The following COL5A3 variants were observed in gnomAD, a reference collection of about 807,000 sequenced individuals.
The protein encoded by COL5A3 is collagen alpha-3(V) chain.
A neutral mutation model predicts 250.0 loss-of-function variants in COL5A3; 172 were observed. That is an observed-to-expected ratio of 0.69 (90% confidence interval 0.61 to 0.78). The LOEUF (loss-of-function observed/expected upper bound fraction) is 0.78, where lower values mean the gene tolerates loss of function less well. Ranked by LOEUF, COL5A3 falls within the 30% of genes least tolerant of loss-of-function variation. The probability of loss-of-function intolerance (pLI) is 0.00; values close to 1 mark genes in which losing one functional copy is unlikely to be tolerated. For missense variants in COL5A3, 2,340 were observed against 2,334.4 expected, an observed-to-expected ratio of 1.00 and a Z score of -0.05; for synonymous variants, 937 against 900.4, an observed-to-expected ratio of 1.04 and a Z score of -0.73.
At chr19:9,991,217 G>A (rs781079829) in intron 24 of COL5A3, among the ~76,000 whole-genome samples, 14 of 152,166 alleles carry the variant, frequency 9.2e-5, no homozygotes, top group Non-Finnish European at 2.1e-4. Flanking sequence ...ACTCCAGCCT[G>A]GGCGACAGAG....
In COL5A3 at chr19:9,998,159, G is replaced by A. The variant is rs747047420; in HGVS notation, c.1111-10C>T. 2 of 1,608,358 alleles carry A rather than the reference G, an allele frequency of 1.2e-6. No homozygotes were observed. Among genetic ancestry groups the A allele is most frequent in the Non-Finnish European group, 1.7e-6 (2 of 1,178,024 alleles). On this transcript the variant is annotated splice_polypyrimidine_tract_variant and intron_variant, in intron 8 of 66. Transcript: ENST00000264828. Reference sequence around the variant, plus strand: ...CTTTCTCTCCAGCACCCTGGGGTGGGGTCAGGGGAGATGGAGAGAAAAGAG... The same window carrying A: ...CTTTCTCTCCAGCACCCTGGGGTGGAGTCAGGGGAGATGGAGAGAAAAGAG...
chr19:9,979,519 G>A (rs915462204), intron 37 of COL5A3, 102 bp from the exon 38 acceptor site: 1 of 1,286,548 alleles, frequency 7.8e-7, no homozygotes, highest in African/African-American at 1.5e-5. Flanking sequence ...GGCCGGTCCG[G>A]TGGCTCACGC....
rs1307405604 is a variant in COL5A3 at position 9,970,898 on chromosome 19, C to T, written c.3882+77G>A. The T allele has an allele frequency of 3.8e-6, 5 of 1,329,464 alleles. No individual in the cohort carries two copies. The East Asian group carries it at 1.3e-4, about 34-fold the overall frequency. The allele number at this position is 1,329,464 out of a possible 1,614,324, so 82.4% of individuals were successfully genotyped here. On this transcript the variant is annotated intron_variant, in intron 53 of 66. Coordinates refer to ENST00000264828, the MANE Select transcript of COL5A3 (RefSeq NM_015719.4). ...CCTTGGGTACCCCACTAGCCCACTC[C>T]CCTGCCCCCCCAATTCACTCACTCA... is the stretch of plus-strand genomic sequence containing the variant.
chr19:10,003,432 AAGATCAT>A lies in COL5A3; in HGVS notation c.849+126_849+132del, dbSNP rs1319450161. The A allele has an allele frequency of 7.7e-6, 7 of 907,556 alleles. No individual in the cohort carries two copies. In the East Asian group the frequency reaches 1.5e-4, roughly 19 times the overall value. The allele number at this position is 907,556 out of a possible 1,614,324, so 56.2% of individuals were successfully genotyped here. On this transcript the variant is annotated intron_variant, in intron 6 of 66. Transcript: ENST00000264828. ...GCTCATGGATCCGAGACCAGAGAAAAAGATCATAGATGAGGGACCAGAGATTAGTAGA... is the reference window on the plus strand; with the variant it reads ...GCTCATGGATCCGAGACCAGAGAAAAAGATGAGGGACCAGAGATTAGTAGA...
At position 9,966,517 on chromosome 19, in the gene COL5A3, C is replaced by A; in HGVS notation, c.4669+19G>T. On this transcript the variant is annotated intron_variant, in intron 63 of 66. Coordinates refer to ENST00000264828, the MANE Select transcript of COL5A3 (RefSeq NM_015719.4). ...ACCCCCACTCCGCCCATCCAAGTGG[C>A]GGGGGGACCGGACCTCACCATCAGG... The A allele has an allele frequency of 6.5e-7, 1 of 1,535,952 alleles. No individual in the cohort carries two copies. The highest frequency in any genetic ancestry group is 8.8e-7 in the Non-Finnish European group (1 of 1,139,496).
chr19:10,001,926 TC>T, intron 6 of COL5A3, 45 bp from the exon 7 acceptor site: 1 of 1,423,866 alleles, frequency 7.0e-7, no homozygotes, highest in Non-Finnish European at 9.9e-7. Flanking sequence ...GTGAGGGCAA[TC>T]AAGACAAAAG....
rs548966499 is a variant in COL5A3, at chr19:10,001,792, A to G, written c.939T>C (p.Thr313=). 6 of 1,614,016 alleles carry G rather than the reference A, an allele frequency of 3.7e-6. No homozygotes were observed. In the Admixed American group the frequency reaches 1.0e-4, roughly 27 times the overall value. The part of the protein sequence containing the change: ...TPLVVTSTVT[T]GLNATILERS... Reference sequence around the variant, plus strand: ...CCTCTAGGATCGTGGCATTGAGTCCAGTAGTCACAGTGGAGGTGACGACCA... The same window carrying G: ...CCTCTAGGATCGTGGCATTGAGTCCGGTAGTCACAGTGGAGGTGACGACCA... The change falls in exon 7 of 67, where the codon ACT becomes ACC. Residue 313 remains threonine, a synonymous_variant. Coordinates refer to ENST00000264828, the MANE Select transcript of COL5A3 (RefSeq NM_015719.4).
At chr19:9,984,741 T>A (rs906557682) in intron 31 of COL5A3, among the ~76,000 whole-genome samples, 1 of 152,114 alleles carries the variant, frequency 6.6e-6, no homozygotes, top group Non-Finnish European at 1.5e-5. Flanking sequence ...CAAGATCACA[T>A]AGCGGGTAAG....
Position 10,010,495 on chromosome 19 carries a change from G to T in COL5A3, c.-110C>A, listed in dbSNP as rs1414174835. 4.6e-6 allele frequency: 3 copies of T among 653,866 alleles called. No individual in the cohort carries two copies. In the Admixed American group the frequency reaches 1.3e-4, roughly 29 times the overall value. 40.5% of individuals were successfully genotyped at this position (653,866 alleles called of 1,614,324 possible). The stretch of plus-strand genomic sequence containing the variant: ...GCGGCGGCCGCTCCTCTCAGGGTCC[G>T]CGGGAAACTGCCCGAGACCCCGCCC... On this transcript the variant is annotated 5_prime_UTR_variant, in exon 1 of 67. Coordinates refer to ENST00000264828, the MANE Select transcript of COL5A3 (RefSeq NM_015719.4).
Position 9,979,902 on chromosome 19 carries a change from G to A in COL5A3, c.2659-10C>T. The A allele has an allele frequency of 6.4e-7, 1 of 1,571,340 alleles. No homozygotes were observed. The highest frequency in any genetic ancestry group is 1.4e-5 in the African/African-American group (1 of 72,344). On this transcript the variant is annotated splice_polypyrimidine_tract_variant and intron_variant, in intron 36 of 66. Transcript: ENST00000264828. ...CTTTACCTTGGTGACCCTGGGGGAT[G>A]AGGTGGGAAAAAGTTGGGGCACAGA...
chr19:9,996,498 AGCC>A lies in COL5A3; in HGVS notation c.1354_1356del (p.Gly452del). On this transcript the variant is annotated inframe_deletion, in exon 13 of 67. Transcript: ENST00000264828. Reference sequence around the variant, plus strand: ...AATGAGACTGGGGGGCCTTTAAAGGAGCCGCCTGCAAACTGGAACTGGGAGGAA... The same window carrying A: ...AATGAGACTGGGGGGCCTTTAAAGGAGCCTGCAAACTGGAACTGGGAGGAA... The A allele has an allele frequency of 6.2e-7, 1 of 1,614,026 alleles. No individual in the cohort carries two copies. Among genetic ancestry groups the A allele is most frequent in the East Asian group, 2.2e-5 (1 of 44,872 alleles).
chr19:9,998,275 C>T, intron 8 of COL5A3, 126 bp from the exon 9 acceptor site: 1 of 958,260 alleles, frequency 1.0e-6, no homozygotes, highest in Non-Finnish European at 1.6e-6. Context: ...ACCCTCAGAG[C>T]CCCTTCTCCT....
intron 8 of COL5A3, among the ~76,000 whole-genome samples, chr19:9,999,171 C>CCTTCCTTCCTT (rs759237668): frequency 5.7e-4 from 68 of 119,634 alleles, no homozygotes; most frequent in African/African-American, 2.1e-3. Flanking sequence ...TTCCTTCCTT[C>CCTTCCTTCCTT]CTTCTCTTGC....
At position 9,968,112 on chromosome 19, in the gene COL5A3, G is replaced by A; in HGVS notation, c.4315-33C>T. The A allele has an allele frequency of 6.4e-7, 1 of 1,571,964 alleles. No homozygotes were observed. Among genetic ancestry groups the A allele is most frequent in the African/African-American group, 1.4e-5 (1 of 72,584 alleles). The stretch of plus-strand genomic sequence containing the variant: ...AAGGACATCGGGTCAGTATTGGTGG[G>A]GTACACCCTATTGCCCTGACACATC... On this transcript the variant is annotated intron_variant, in intron 59 of 66. Transcript: ENST00000264828. This position sits in a 1 kb window ranked among gnomAD's most constrained non-coding sequence, Gnocchi z 4.1.
Position 9,968,605 on chromosome 19 carries a change from GC to G in COL5A3, c.4206+69del. The G allele has an allele frequency of 1.3e-6, 2 of 1,579,872 alleles. No individual in the cohort carries two copies. Among genetic ancestry groups the G allele is most frequent in the Non-Finnish European group, 8.7e-7 (1 of 1,151,514 alleles). On this transcript the variant is annotated intron_variant, in intron 58 of 66. Transcript: ENST00000264828. This position sits in a 1 kb window ranked among gnomAD's most constrained non-coding sequence, Gnocchi z 4.1. ...GAGCAGAGGATGCACCAATCTCCCA[GC>G]CCCCCAGCCAGGGAGGGAGGGAAAG...
At chr19:10,003,015 C>G (rs1447350089) in intron 6 of COL5A3, among the ~76,000 whole-genome samples, 2 of 152,134 alleles carry the variant, frequency 1.3e-5, no homozygotes, top group Non-Finnish European at 2.9e-5. Flanking sequence ...TGATCCCCAG[C>G]TAGGTGCAGC....
chr19:9,987,262 C>G, intron 27 of COL5A3, among the ~76,000 whole-genome samples: 1 of 152,168 alleles, frequency 6.6e-6, no homozygotes, highest in East Asian at 1.9e-4. Context: ...TGAAATTGCG[C>G]TTGGATACAA....
Position 10,007,558 on chromosome 19 carries a change from A to G in COL5A3, c.89-1327T>C, listed in dbSNP as rs2087461318. ...CCCCTGGGCCCCGAGCCCCTGTCTG[A>G]TTCCCCCATCCCCCAACCCTCAGCA... is the stretch of plus-strand genomic sequence containing the variant. On this transcript the variant is annotated intron_variant, in intron 1 of 66. Coordinates refer to ENST00000264828, the MANE Select transcript of COL5A3 (RefSeq NM_015719.4). Among the ~76,000 whole-genome samples, 3 of 151,734 alleles carry G rather than the reference A, an allele frequency of 2.0e-5. No individual in the cohort carries two copies. In the South Asian group the frequency reaches 6.3e-4, roughly 32 times the overall value.
chr19:9,980,883 A>G (rs751996438), intron 33 of COL5A3, 24 bp from the exon 34 acceptor site: 3 of 1,597,190 alleles, frequency 1.9e-6, no homozygotes, highest in Non-Finnish European at 2.6e-6. Flanking sequence ...AAAGGCAAAG[A>G]TCAGATATGA....
Sources: allele counts gnomAD v4.1 joint callset (sites outside exome capture counted in the v4.1 genomes callset), GRCh38; gene constraint gnomAD v4.1.1; non-coding constraint Gnocchi (gnomAD v3.1); transcripts MANE v1.5; gene names NCBI Gene and HGNC (gene_info 2026-07-23, HGNC 2026-07-21).